FAM53A: variants seen among roughly 807,000 people sequenced by gnomAD.
The protein encoded by FAM53A is protein FAM53A.
A neutral mutation model predicts 26.6 loss-of-function variants in FAM53A; 28 were observed. That is an observed-to-expected ratio of 1.05 (90% CI 0.78 to 1.45). FAM53A has a LOEUF of 1.45. Among genes scored for constraint, FAM53A ranks in the 40% most tolerant of loss-of-function variants. The pLI, the probability that FAM53A is intolerant of heterozygous loss-of-function variation, is 0.00. For missense variants in FAM53A, 650 were observed against 575.8 expected, an observed-to-expected ratio of 1.13 and a Z score of -1.32; for synonymous variants, 290 against 253.1, an observed-to-expected ratio of 1.15 and a Z score of -1.38.
At chr4:1,681,173 T>C (rs1445101438) in intron 1 of FAM53A, among the ~76,000 whole-genome samples, 1 of 152,208 alleles carries the variant, frequency 6.6e-6, no homozygotes, top group African/African-American at 2.4e-5. Context: ...CTCAGCTCAC[T>C]GCAACCTCAG....
chr4:1,627,730 ACTCC>A (rs1452204199), intron 1 of FAM53A, among the ~76,000 whole-genome samples: 1 of 151,458 alleles, frequency 6.6e-6, no homozygotes, highest in African/African-American at 2.4e-5. Context: ...AGAGGGTCCC[ACTCC>A]CTCCCTCCAC....
At chr4:1,633,163 T>C (rs1006157208) in intron 1 of FAM53A, among the ~76,000 whole-genome samples, 18 of 152,182 alleles carry the variant, frequency 1.2e-4, no homozygotes, top group African/African-American at 4.3e-4. Flanking sequence ...CTCACATGCA[T>C]AGGTACACTC....
the FAM53A span, among the ~76,000 whole-genome samples, chr4:1,600,135 G>A: frequency 5.3e-5 from 8 of 152,150 alleles, no homozygotes; most frequent in South Asian, 1.4e-3. Context: ...AGCCGAGGTG[G>A]GGGCTGCCTT....
chr4:1,644,604 C>G, intron 4 of FAM53A: 1 of 448,550 alleles, frequency 2.2e-6, no homozygotes, highest in Non-Finnish European at 4.0e-6. Flanking sequence ...TCCGTCCCAG[C>G]TCCTGCTACC....
In FAM53A at chr4:1,652,385, ACATG is replaced by A. The variant is rs1712922487; in HGVS notation, c.882+2589_882+2592del. 3.3e-5 allele frequency among the ~76,000 whole-genome samples: 3 copies of A among 91,086 alleles called. 1 individual carries two copies. Among genetic ancestry groups the A allele is most frequent in the African/African-American group, 3.7e-5 (1 of 26,706 alleles). 59.8% of individuals were successfully genotyped at this position (91,086 alleles called of 152,430 possible). A position where few individuals can be genotyped will look rare whatever the true frequency, so the allele number is the denominator to read the frequency against. ...ACGCACAACACACACAACACACATC[ACATG>A]CACACCACACACACCAGACACACAC... On this transcript the variant is annotated intron_variant, in intron 4 of 4. Coordinates refer to ENST00000308132, the MANE Select transcript of FAM53A (RefSeq NM_001174070.3).
downstream of FAM53A, among the ~76,000 whole-genome samples, chr4:1,614,642 AG>A (rs1714744543): frequency 6.6e-6 from 1 of 152,128 alleles, no homozygotes; most frequent in Non-Finnish European, 1.5e-5. Flanking sequence ...GGTTCTGTCT[AG>A]GAAGCCTCTG....
the FAM53A span, among the ~76,000 whole-genome samples, chr4:1,579,109 C>G: frequency 1.3e-5 from 2 of 151,494 alleles, no homozygotes; most frequent in African/African-American, 2.4e-5. Context: ...ACGCCCCTCC[C>G]GAGCGCTCCC....
chr4:1,682,863 C>T (rs918268203), intron 1 of FAM53A, among the ~76,000 whole-genome samples: 11 of 152,220 alleles, frequency 7.2e-5, no homozygotes, highest in African/African-American at 2.7e-4. Flanking sequence ...TCTGTGGTCC[C>T]CACGTGCAAT....
chr4:1,648,977 G>C (rs532426667), intron 4 of FAM53A, among the ~76,000 whole-genome samples: 1 of 152,212 alleles, frequency 6.6e-6, no homozygotes, highest in South Asian at 2.1e-4. Context: ...GCCAGGTGTG[G>C]TGGTGGGCGC....
chr4:1,579,782 A>C, the FAM53A span, among the ~76,000 whole-genome samples: 3 of 152,178 alleles, frequency 2.0e-5, no homozygotes, highest in Non-Finnish European at 2.9e-5. Context: ...CGCTGTGGGG[A>C]TACGAAGGGG....
At chr4:1,590,991 T>TATATACACACAC in the FAM53A span, among the ~76,000 whole-genome samples, 14 of 127,854 alleles carry the variant, frequency 1.1e-4, no homozygotes, top group African/African-American at 4.7e-4. Context: ...TATATATATA[T>TATATACACACAC]ATATATATAT....
intron 2 of FAM53A, among the ~76,000 whole-genome samples, chr4:1,660,082 A>G (rs1254021240): frequency 6.6e-6 from 1 of 152,078 alleles, no homozygotes; most frequent in Non-Finnish European, 1.5e-5. Flanking sequence ...CAGGAGTTTG[A>G]GACCAGCGTG....
chr4:1,669,344 G>A (rs1167952070), intron 1 of FAM53A, among the ~76,000 whole-genome samples: 1 of 152,212 alleles, frequency 6.6e-6, no homozygotes, highest in Non-Finnish European at 1.5e-5. Context: ...CTAGGCAAGC[G>A]CTCCACACTG....
chr4:1,647,454 A>G (rs1712345724), intron 4 of FAM53A, among the ~76,000 whole-genome samples: 3 of 152,074 alleles, frequency 2.0e-5, no homozygotes. Context: ...CAGCCCTCTG[A>G]CACCTGGGGA....
chr4:1,634,758 G>A (rs2108782216), intron 1 of FAM53A, among the ~76,000 whole-genome samples: 1 of 152,190 alleles, frequency 6.6e-6, no homozygotes, highest in South Asian at 2.1e-4. Context: ...AAATTAGCCA[G>A]GCATGGTGGT....
At chr4:1,619,168 C>T (rs889475789) in intron 1 of FAM53A, among the ~76,000 whole-genome samples, 13 of 152,342 alleles carry the variant, frequency 8.5e-5, no homozygotes, top group Admixed American at 8.5e-4. Context: ...CCAGCACCTT[C>T]TAAGTGAAGC....
At chr4:1,575,116 G>A in the FAM53A span, among the ~76,000 whole-genome samples, 1 of 152,186 alleles carries the variant, frequency 6.6e-6, no homozygotes, top group Non-Finnish European at 1.5e-5. Flanking sequence ...AGTGCCCACT[G>A]CCTGCCCATG....
chr4:1,652,832 ACAC>A (rs1183604083), intron 4 of FAM53A, among the ~76,000 whole-genome samples: 21 of 143,532 alleles, frequency 1.5e-4, no homozygotes, highest in Admixed American at 6.9e-4. Flanking sequence ...TACCCACCAC[ACAC>A]CACACGCTAC....
chr4:1,576,698 A>G, the FAM53A span, among the ~76,000 whole-genome samples: 1 of 152,240 alleles, frequency 6.6e-6, no homozygotes, highest in Non-Finnish European at 1.5e-5. Context: ...GGGACGCCGC[A>G]GGGGCGACTG....
Sources: gnomAD v4.1 joint callset for allele counts (sites outside exome capture counted in the v4.1 genomes callset) on GRCh38, gnomAD v4.1.1 for gene constraint, MANE v1.5 for transcripts, NCBI Gene and HGNC (gene_info 2026-07-23, HGNC 2026-07-21) for gene names.